Variants in GSE1 observed in about 807,000 individuals in gnomAD.
The protein encoded by GSE1 is Gse1 coiled-coil protein.
A neutral mutation model predicts 112.6 loss-of-function variants in GSE1; 32 were observed. The observed-to-expected ratio is 0.28, with a 90% CI of 0.21 to 0.38. The LOEUF is 0.38. Ranked by LOEUF, GSE1 falls within the 10% of genes least tolerant of loss-of-function variation. GSE1 has a pLI of 1.00. For missense variants in GSE1, 2,348 were observed against 1,699.2 expected, an observed-to-expected ratio of 1.38 and a Z score of -6.71; for synonymous variants, 1,115 against 735.6, an observed-to-expected ratio of 1.52 and a Z score of -8.35.
chr16:85,241,438 A>T (rs1267991911), intron 1 of GSE1, among the ~76,000 whole-genome samples: 1 of 152,186 alleles, frequency 6.6e-6, no homozygotes, highest in East Asian at 1.9e-4. Flanking sequence ...GGTAGCTTGC[A>T]GTCTGCTGTG....
chr16:85,392,387 T>C (rs922242031), intron 2 of GSE1, among the ~76,000 whole-genome samples: 1 of 152,228 alleles, frequency 6.6e-6, no homozygotes, highest in Non-Finnish European at 1.5e-5. Context: ...GCTATACTTA[T>C]GCTCTTAAAA....
chr16:85,172,523 A>G (rs2074378062), intron 1 of GSE1, among the ~76,000 whole-genome samples: 1 of 152,238 alleles, frequency 6.6e-6, no homozygotes, highest in African/African-American at 2.4e-5. Flanking sequence ...GCGAGGAGCC[A>G]GACGGGGCTC....
rs771071094 is a variant in GSE1, at chr16:85,634,067, C to T, written c.161C>T (p.Ala54Val). The T allele has an allele frequency of 1.2e-6, 2 of 1,605,798 alleles. No homozygotes were observed. The highest frequency in any genetic ancestry group is 1.7e-5 in the Admixed American group (1 of 59,274). The part of the protein sequence containing the change: ...PATSSALSAQ[A>V]APSSSFAAAL... ...ACCAGCAGCGCGCTGTCGGCCCAGGCCGCGCCATCCTCCAGCTTTGCCGCC... is the reference window on the plus strand; with the variant it reads ...ACCAGCAGCGCGCTGTCGGCCCAGGTCGCGCCATCCTCCAGCTTTGCCGCC... Residue 54 changes from alanine (A) to valine (V), a missense_variant, in exon 2 of 16, where the codon GCC (alanine) becomes GTC (valine). Coordinates refer to ENST00000253458, the MANE Select transcript of GSE1 (RefSeq NM_014615.5).
chr16:85,533,164 G>A (rs1388645024), intron 2 of GSE1, among the ~76,000 whole-genome samples: 3 of 151,870 alleles, frequency 2.0e-5, no homozygotes, highest in Non-Finnish European at 1.5e-5. Context: ...TGTAATCCCA[G>A]CACTTTGGGA....
chr16:85,517,018 C>T (rs1287714780), intron 2 of GSE1, among the ~76,000 whole-genome samples: 2 of 152,150 alleles, frequency 1.3e-5, no homozygotes, highest in Non-Finnish European at 2.9e-5. Flanking sequence ...AGGACGGTCT[C>T]GATCTCCTGA....
At chr16:85,552,433 G>A (rs182273680), upstream of GSE1, among the ~76,000 whole-genome samples, 8 of 118,616 alleles carry the variant, frequency 6.7e-5, 3 homozygotes, top group Admixed American at 1.9e-4. Context: ...CTGGGTTCAC[G>A]CCATTCTCCT....
intron 1 of GSE1, among the ~76,000 whole-genome samples, chr16:85,352,013 AAC>A (rs759235476): frequency 6.8e-6 from 1 of 147,272 alleles, no homozygotes; most frequent in South Asian, 2.2e-4. Context: ...ACAAAAAAAA[AAC>A]CCAAATAGAC....
chr16:85,528,951 G>A (rs1419001206), intron 2 of GSE1, among the ~76,000 whole-genome samples: 1 of 152,160 alleles, frequency 6.6e-6, no homozygotes, highest in African/African-American at 2.4e-5. Flanking sequence ...AGACCCCAGA[G>A]GCCATTGTAA....
At chr16:85,289,405 G>C (rs559161569) in intron 1 of GSE1, among the ~76,000 whole-genome samples, 8 of 152,154 alleles carry the variant, frequency 5.3e-5, no homozygotes, top group African/African-American at 1.9e-4. Flanking sequence ...TGACACACTC[G>C]TGTCCAGGCC....
chr16:85,353,506 ACACTTCAT>A (rs2046892078), intron 1 of GSE1, among the ~76,000 whole-genome samples: 1 of 151,864 alleles, frequency 6.6e-6, no homozygotes, highest in South Asian at 2.1e-4. Context: ...TTAGTTGCTG[ACACTTCAT>A]CATCAGGAGA....
chr16:85,395,769 C>T (rs1158063588), intron 2 of GSE1, among the ~76,000 whole-genome samples: 1 of 152,210 alleles, frequency 6.6e-6, no homozygotes, highest in East Asian at 1.9e-4. Flanking sequence ...ATCCCGCCTG[C>T]CTCCTCCCGC....
At chr16:85,442,494 G>A (rs2049401948) in intron 2 of GSE1, among the ~76,000 whole-genome samples, 1 of 152,180 alleles carries the variant, frequency 6.6e-6, no homozygotes, top group South Asian at 2.1e-4. Flanking sequence ...GGGAGCCTCG[G>A]GCAGGCTAGA....
chr16:85,260,542 C>T (rs1481371864), intron 1 of GSE1, among the ~76,000 whole-genome samples: 2 of 152,098 alleles, frequency 1.3e-5, no homozygotes, highest in East Asian at 1.9e-4. Flanking sequence ...AGGCTAGTCT[C>T]GAACTGCTGA....
intron 1 of GSE1, among the ~76,000 whole-genome samples, chr16:85,588,476 A>C (rs2046813349): frequency 6.6e-6 from 1 of 152,210 alleles, no homozygotes; most frequent in Non-Finnish European, 1.5e-5. Context: ...TGGTCAATTA[A>C]TGCTGAATCT....
At chr16:85,399,011 G>C (rs1029047631) in intron 2 of GSE1, among the ~76,000 whole-genome samples, 31 of 152,282 alleles carry the variant, frequency 2.0e-4, no homozygotes, top group South Asian at 1.7e-3. Context: ...GTAAGTACTT[G>C]TGTGTGGTTG....
intron 1 of GSE1, among the ~76,000 whole-genome samples, chr16:85,202,271 A>T (rs1305218739): frequency 1.3e-5 from 2 of 152,216 alleles, no homozygotes; most frequent in African/African-American, 4.8e-5. Context: ...GCAGCTTCCG[A>T]GGAAGGGCCT....
At chr16:85,382,681 C>T (rs774649305) in intron 2 of GSE1, among the ~76,000 whole-genome samples, 1 of 152,162 alleles carries the variant, frequency 6.6e-6, no homozygotes, top group Non-Finnish European at 1.5e-5. Flanking sequence ...ACAGCAGAAG[C>T]CCCAGGCCAT....
At chr16:85,615,535 G>A (rs569590238) in intron 1 of GSE1, among the ~76,000 whole-genome samples, 2 of 152,246 alleles carry the variant, frequency 1.3e-5, no homozygotes, top group South Asian at 2.1e-4. Flanking sequence ...AGCCTTGGGG[G>A]CGGTGCCGGG....
At position 85,671,030 on chromosome 16, in the gene GSE1, T is replaced by C. The variant is rs1255622328; in HGVS notation, c.3451T>C (p.Cys1151Arg). Residue 1151 changes from cysteine (C) to arginine (R), a missense_variant, in exon 15 of 16, where the codon TGT becomes CGT. Physicochemically the swap from Cys to Arg is radical, Grantham distance 180. Transcript: ENST00000253458. ...NLERQVLQTQ[C>R]RRLEARHYSL... Reference sequence around the variant, plus strand: ...GGAGCGGCAGGTGTTACAGACACAATGTAGACGACTGGAGGCCCGGCACTA... The same window carrying C: ...GGAGCGGCAGGTGTTACAGACACAACGTAGACGACTGGAGGCCCGGCACTA... 1 of 1,612,384 alleles carries C rather than the reference T, an allele frequency of 6.2e-7. No homozygotes were observed. The highest frequency in any genetic ancestry group is 1.3e-5 in the African/African-American group (1 of 74,940).
Sources: allele counts gnomAD v4.1 joint callset (sites outside exome capture counted in the v4.1 genomes callset), GRCh38; gene constraint gnomAD v4.1.1; transcripts MANE v1.5; gene names NCBI Gene and HGNC (gene_info 2026-07-23, HGNC 2026-07-21).